ARFGEF1: variants seen among roughly 807,000 people sequenced by gnomAD.
ARFGEF1 encodes ARF guanine nucleotide exchange factor 1.
In ARFGEF1, 42 loss-of-function variants were observed where a neutral mutation model predicts 231.0. The observed-to-expected ratio is 0.18, with a 90% CI of 0.14 to 0.24. ARFGEF1 has a LOEUF of 0.24. Ranked by LOEUF, ARFGEF1 falls within the 10% of genes least tolerant of loss-of-function variation. The pLI is 1.00. For missense variants in ARFGEF1, 1,345 were observed against 2,192.0 expected (o/e 0.61, Z 7.72); for synonymous variants, 710 against 732.3 (o/e 0.97, Z 0.49).
At chr8:67,292,323 T>G (rs965251571) in intron 5 of ARFGEF1, among the ~76,000 whole-genome samples, 200 bp from the exon 6 acceptor site, 2 of 152,134 alleles carry the variant, frequency 1.3e-5, no homozygotes, top group Non-Finnish European at 2.9e-5. Flanking sequence ...AATTGGCACA[T>G]AAGAACAGAG....
At chr8:67,228,987 T>C (rs1839471679) in intron 23 of ARFGEF1, among the ~76,000 whole-genome samples, 1 of 152,012 alleles carries the variant, frequency 6.6e-6, no homozygotes, top group Non-Finnish European at 1.5e-5. Flanking sequence ...TTCCTCAACT[T>C]AGAATGCACA....
intron 38 of ARFGEF1, 150 bp from the exon 39 acceptor site, chr8:67,199,248 A>G: frequency 1.2e-6 from 1 of 825,336 alleles, no homozygotes; most frequent in Non-Finnish European, 1.8e-6. Flanking sequence ...GAACTGAGAG[A>G]CAGAAGTGTT....
chr8:67,326,179 C>CA (rs1807824053), intron 1 of ARFGEF1, among the ~76,000 whole-genome samples: 1 of 152,088 alleles, frequency 6.6e-6, no homozygotes, highest in Non-Finnish European at 1.5e-5. Flanking sequence ...GCCTGGTTGA[C>CA]AGAGTGAAAC....
chr8:67,263,127 TC>T (rs1804705112), intron 14 of ARFGEF1, among the ~76,000 whole-genome samples: 1 of 152,204 alleles, frequency 6.6e-6, no homozygotes, highest in South Asian at 2.1e-4. Context: ...CATATCCCAT[TC>T]CCTAAATCTA....
At chr8:67,305,987 T>C (rs1287273705) in intron 1 of ARFGEF1, among the ~76,000 whole-genome samples, 1 of 152,226 alleles carries the variant, frequency 6.6e-6, no homozygotes. Flanking sequence ...TATTTTTCCT[T>C]CTTCATAATT....
chr8:67,208,280 C>T (rs962816471), intron 34 of ARFGEF1, among the ~76,000 whole-genome samples: 1 of 152,034 alleles, frequency 6.6e-6, no homozygotes, highest in Non-Finnish European at 1.5e-5. Context: ...TTAAAAAATT[C>T]CCTGAAAAAA....
rs573348153 is a variant in ARFGEF1, at chr8:67,330,050, G to C, written c.124+13114C>G. 2.8e-4 allele frequency among the ~76,000 whole-genome samples: 43 copies of C among 151,860 alleles called. No individual in the cohort carries two copies. In the South Asian group the frequency reaches 2.9e-3, roughly 10 times the overall value. ...TTAACTTAGTGATAAAACAGAAAAA[G>C]ATTAGCAAATCTTTCTTAAAGATAT... On this transcript the variant is annotated intron_variant, in intron 1 of 38. Transcript: ENST00000262215.
At chr8:67,200,175 C>A in intron 38 of ARFGEF1, 1 of 586,344 alleles carries the variant, frequency 1.7e-6, no homozygotes, top group Non-Finnish European at 3.2e-6. Flanking sequence ...ACTGAATCCC[C>A]TAGAGAACTG....
intron 34 of ARFGEF1, among the ~76,000 whole-genome samples, chr8:67,208,554 C>T (rs1463946639): frequency 1.4e-5 from 2 of 145,466 alleles, no homozygotes; most frequent in Non-Finnish European, 3.0e-5. Context: ...CGCTTGAACC[C>T]AGGAGGTGGA....
chr8:67,322,057 G>C (rs1020807553), intron 1 of ARFGEF1, among the ~76,000 whole-genome samples: 1 of 152,144 alleles, frequency 6.6e-6, no homozygotes, highest in African/African-American at 2.4e-5. Flanking sequence ...CATACCTCTA[G>C]GCTTTTGCTC....
intron 34 of ARFGEF1, among the ~76,000 whole-genome samples, chr8:67,210,204 G>A (rs572739629): frequency 2.0e-5 from 3 of 148,472 alleles, no homozygotes; most frequent in South Asian, 2.1e-4. Flanking sequence ...CTGGACAGAC[G>A]TCGTGGCACA....
intron 19 of ARFGEF1, among the ~76,000 whole-genome samples, chr8:67,248,655 G>C (rs954962729): frequency 2.0e-5 from 3 of 150,386 alleles, no homozygotes; most frequent in African/African-American, 7.5e-5. Context: ...AAGTTAAAAA[G>C]CTTCTGCAAA....
rs1587022865 is a variant in ARFGEF1 at position 67,201,388 on chromosome 8, A to G, written c.5267+79T>C. 1.9e-5 allele frequency: 28 copies of G among 1,505,576 alleles called. 1 individual carries two copies. The South Asian group carries it at 3.5e-4, about 19-fold the overall frequency. 93.3% of individuals were successfully genotyped at this position (1,505,576 alleles called of 1,614,324 possible). ...AGGCCCCAAAGCCTCAGCTGTCAGC[A>G]TGGTCCCGCCGGTGCCTCTTTCCTG... On this transcript the variant is annotated intron_variant, in intron 37 of 38. Transcript: ENST00000262215.
At chr8:67,241,543 A>G (rs1839928697) in intron 19 of ARFGEF1, among the ~76,000 whole-genome samples, 1 of 152,212 alleles carries the variant, frequency 6.6e-6, no homozygotes, top group Non-Finnish European at 1.5e-5. Context: ...ACAACTAAAT[A>G]ATATCCAGGC....
In ARFGEF1 at chr8:67,218,061, T is replaced by C. The variant is rs1214725116; in HGVS notation, c.4416A>G (p.Val1472=). Residue 1472 remains valine, a synonymous_variant, in exon 31 of 39, where the codon GTA becomes GTG. Coordinates refer to ENST00000262215, the MANE Select transcript of ARFGEF1 (RefSeq NM_006421.5). ...TGTCATCCAAAAGTACATCACTGAG[T>C]ACTTCTAAATACTGAGTGAATACAT... is the stretch of plus-strand genomic sequence containing the variant. ...ICDVFTQYLE[V]LSDVLLDDIF... 30 of 1,609,624 alleles carry C rather than the reference T, an allele frequency of 1.9e-5. No individual in the cohort carries two copies. The highest frequency in any genetic ancestry group is 2.2e-5 in the Non-Finnish European group (26 of 1,177,864).
In ARFGEF1 at chr8:67,177,883, G is replaced by A. The variant is rs886735752; in HGVS notation, c.561-2311C>T. ...AGTGGATAGCTTGAGAAGTGTTAGT[G>A]TAATATATATAGAAAACATATTGTA... On this transcript the variant is annotated intron_variant, in intron 5 of 5. Coordinates refer to the ARFGEF1 transcript ENST00000518789. 7.9e-5 allele frequency among the ~76,000 whole-genome samples: 12 copies of A among 152,152 alleles called. No individual in the cohort carries two copies. The East Asian group carries it at 2.3e-3, about 29-fold the overall frequency.
At chr8:67,317,250 CTG>C (rs1197047309) in intron 1 of ARFGEF1, among the ~76,000 whole-genome samples, 3 of 152,154 alleles carry the variant, frequency 2.0e-5, no homozygotes, top group African/African-American at 7.2e-5. Flanking sequence ...TTCCTGAGTT[CTG>C]TGAGTTGCTC....
chr8:67,211,596 G>A lies in ARFGEF1; in HGVS notation c.4706C>T (p.Ser1569Phe), dbSNP rs757127977. ...EKPLDTISQKSVDIHDSIQPR... is the reference protein window; with the variant it reads ...EKPLDTISQKFVDIHDSIQPR... The stretch of plus-strand genomic sequence containing the variant: ...TTGAATAGAATCATGAATATCTACA[G>A]ACTTCTGTGATATTGTATCCTAATA... Residue 1569 changes from serine to phenylalanine, a missense_variant, in exon 34 of 39, where the codon TCT becomes TTT. Around this residue, in one of 14 missense-constraint regions of ARFGEF1, gnomAD observed 89 missense variants for 74.8 expected, o/e 1.19. Transcript: ENST00000262215. 2 of 1,507,276 alleles carry A rather than the reference G, an allele frequency of 1.3e-6. No individual in the cohort carries two copies. Among genetic ancestry groups the A allele is most frequent in the Non-Finnish European group, 1.8e-6 (2 of 1,117,956 alleles). The allele number at this position is 1,507,276 out of a possible 1,614,324, so 93.4% of individuals were successfully genotyped here. A position where few individuals can be genotyped will look rare whatever the true frequency, so the allele number is the denominator to read the frequency against.
At chr8:67,242,174 C>T (rs753918251) in intron 19 of ARFGEF1, among the ~76,000 whole-genome samples, 1 of 152,204 alleles carries the variant, frequency 6.6e-6, no homozygotes, top group Non-Finnish European at 1.5e-5. Flanking sequence ...CAAGGCCTAG[C>T]TGTGCTGGGC....
Sources: allele counts gnomAD v4.1 joint callset (sites outside exome capture counted in the v4.1 genomes callset), GRCh38; gene constraint gnomAD v4.1.1; regional missense constraint gnomAD v4.1.1; transcripts MANE v1.5; gene names NCBI Gene and HGNC (gene_info 2026-07-23, HGNC 2026-07-21).